CHAF1B: variants seen among roughly 807,000 people sequenced by gnomAD.
The protein encoded by CHAF1B is CAF-1 subunit B.
Under a neutral mutation model 60.7 loss-of-function variants are expected in CHAF1B, and 10 were observed. That is an observed-to-expected ratio of 0.16 (90% confidence interval 0.10 to 0.28). The LOEUF is 0.28. Ranked by LOEUF, CHAF1B falls within the 10% of genes least tolerant of loss-of-function variation. The pLI, the probability that CHAF1B is intolerant of heterozygous loss-of-function variation, is 1.00. For synonymous variants in CHAF1B, 261 were observed against 266.1 expected, an observed-to-expected ratio of 0.98 and a Z score of 0.19; for missense variants, 558 against 708.4, an observed-to-expected ratio of 0.79 and a Z score of 2.41.
At chr21:36,416,025 A>G in intron 13 of CHAF1B, 1 of 418,270 alleles carries the variant, frequency 2.4e-6, no homozygotes, top group South Asian at 2.5e-5. Flanking sequence ...AAGTGCTGCG[A>G]TTACAGGCGT....
At chr21:36,392,996 G>A (rs1192496830) in intron 4 of CHAF1B, among the ~76,000 whole-genome samples, 2 of 152,184 alleles carry the variant, frequency 1.3e-5, no homozygotes, top group Admixed American at 6.5e-5. Flanking sequence ...GATCACTCGC[G>A]ATTAGGAGCT....
At chr21:36,411,914 A>AGATG (rs1323046825) in intron 11 of CHAF1B, among the ~76,000 whole-genome samples, 2 of 152,096 alleles carry the variant, frequency 1.3e-5, no homozygotes, top group Non-Finnish European at 2.9e-5. Context: ...GTTTTAGTAG[A>AGATG]GATGGGGTTT....
intron 7 of CHAF1B, among the ~76,000 whole-genome samples, chr21:36,399,924 A>T (rs1012530364): frequency 2.0e-5 from 3 of 152,196 alleles, no homozygotes; most frequent in African/African-American, 7.2e-5. Context: ...CATGACTGGA[A>T]TCCCAGCACT....
intron 10 of CHAF1B, among the ~76,000 whole-genome samples, chr21:36,410,891 C>G (rs2086273327): frequency 6.6e-6 from 1 of 151,926 alleles, no homozygotes; most frequent in African/African-American, 2.4e-5. Context: ...GAACTCCTGA[C>G]CTCAGGTGAT....
intron 8 of CHAF1B, among the ~76,000 whole-genome samples, chr21:36,403,414 ACCACTGTAC>A (rs1001846570): frequency 3.6e-4 from 52 of 145,208 alleles, no homozygotes; most frequent in African/African-American, 1.2e-3. Flanking sequence ...CCGAGATCAC[ACCACTGTAC>A]TCCAGCCTGG....
chr21:36,415,512 G>A, intron 13 of CHAF1B, 123 bp downstream of exon 13: 1 of 728,716 alleles, frequency 1.4e-6, no homozygotes, highest in Non-Finnish European at 2.3e-6. Context: ...CATCTTATTG[G>A]AACCATTGTT....
intron 7 of CHAF1B, among the ~76,000 whole-genome samples, chr21:36,400,942 C>T (rs1035596603): frequency 6.6e-6 from 1 of 152,100 alleles, no homozygotes; most frequent in African/African-American, 2.4e-5. Context: ...TGGGCGCTGA[C>T]AGGCACTGAG....
chr21:36,389,800 T>TGTGTGTGTGTGCGCGCGCGCGCGCGC, intron 3 of CHAF1B, among the ~76,000 whole-genome samples: 3 of 124,744 alleles, frequency 2.4e-5, no homozygotes, highest in Admixed American at 7.6e-5. Context: ...TGTGTGTGTG[T>TGTGTGTGTGTGCGCGCGCGCGCGCGC]GCGCGCGCAC....
At chr21:36,392,602 C>T (rs1395944564) in intron 4 of CHAF1B, among the ~76,000 whole-genome samples, 1 of 151,724 alleles carries the variant, frequency 6.6e-6, no homozygotes, top group Non-Finnish European at 1.5e-5. Flanking sequence ...ATGCTCCTCT[C>T]TTCCCAGACG....
intron 5 of CHAF1B, 80 bp downstream of exon 5, chr21:36,394,730 C>CA: frequency 3.7e-6 from 2 of 538,894 alleles, no homozygotes; most frequent in Non-Finnish European, 6.1e-6. Flanking sequence ...CTTGCTTTAA[C>CA]TTTTTTTTTT....
intron 9 of CHAF1B, among the ~76,000 whole-genome samples, chr21:36,409,097 C>T (rs776321140): frequency 1.6e-4 from 24 of 151,752 alleles, no homozygotes; most frequent in Non-Finnish European, 2.8e-4. Context: ...TCAAGTGGTC[C>T]GCTTGCCTCG....
chr21:36,409,904 C>T (rs1473666191), intron 10 of CHAF1B, among the ~76,000 whole-genome samples: 2 of 150,222 alleles, frequency 1.3e-5, no homozygotes, highest in Admixed American at 6.6e-5. Flanking sequence ...GCTTAAGGCA[C>T]TTTAAAAGGA....
intron 8 of CHAF1B, 91 bp downstream of exon 8, chr21:36,402,942 G>A (rs1224244717): frequency 2.1e-5 from 23 of 1,081,654 alleles, no homozygotes; most frequent in Non-Finnish European, 3.1e-5. Flanking sequence ...CTCAGTGAAT[G>A]CTGATTAGAG....
At chr21:36,393,446 C>CTTTTT (rs748789062) in intron 4 of CHAF1B, among the ~76,000 whole-genome samples, 6 of 115,120 alleles carry the variant, frequency 5.2e-5, no homozygotes, top group African/African-American at 1.3e-4. Flanking sequence ...TACAGCTATC[C>CTTTTT]TTTTTTTTTT....
intron 12 of CHAF1B, 92 bp downstream of exon 12, chr21:36,413,407 G>A (rs190415268): frequency 5.0e-5 from 62 of 1,247,778 alleles, no homozygotes; most frequent in East Asian, 3.6e-4. Flanking sequence ...AATTTCAGGC[G>A]GTGAATGCTT....
intron 3 of CHAF1B, among the ~76,000 whole-genome samples, chr21:36,390,619 C>T (rs1369302527): frequency 1.3e-5 from 2 of 152,086 alleles, no homozygotes; most frequent in Admixed American, 6.6e-5. Flanking sequence ...TATACATTGG[C>T]CAATTTAATC....
At chr21:36,410,889 G>A (rs752627920) in intron 10 of CHAF1B, among the ~76,000 whole-genome samples, 16 of 151,944 alleles carry the variant, frequency 1.1e-4, no homozygotes, top group Non-Finnish European at 1.9e-4. Context: ...TCGAACTCCT[G>A]ACCTCAGGTG....
chr21:36,414,775 C>T (rs1019294947), intron 12 of CHAF1B, among the ~76,000 whole-genome samples: 1 of 152,246 alleles, frequency 6.6e-6, no homozygotes, highest in East Asian at 1.9e-4. Flanking sequence ...CCATGCCTGG[C>T]TGACTTTTTG....
chr21:36,412,031 A>C (rs940597770), intron 11 of CHAF1B, among the ~76,000 whole-genome samples: 1 of 151,692 alleles, frequency 6.6e-6, no homozygotes, highest in Non-Finnish European at 1.5e-5. Context: ...CCCGGCCCCA[A>C]TTTTGTTTTT....
Sources: allele counts gnomAD v4.1 joint callset (sites outside exome capture counted in the v4.1 genomes callset), GRCh38; gene constraint gnomAD v4.1.1; transcripts MANE v1.5; gene names NCBI Gene and HGNC (gene_info 2026-07-23, HGNC 2026-07-21).